TRPM1: variants seen among roughly 807,000 people sequenced by gnomAD.
The protein encoded by TRPM1 is transient receptor potential cation channel subfamily M member 1.
TRPM1 carries 113 observed loss-of-function variants against 149.4 expected under a neutral mutation model. The observed-to-expected ratio is 0.76, with a 90% confidence interval of 0.65 to 0.88. The LOEUF (loss-of-function observed/expected upper bound fraction) is 0.88, where lower values mean the gene tolerates loss of function less well. TRPM1 is among the 40% of genes least tolerant of loss of function. The pLI, the probability that TRPM1 is intolerant of heterozygous loss-of-function variation, is 0.00. For missense variants in TRPM1, 1,976 were observed against 2,038.7 expected, an observed-to-expected ratio of 0.97 and a Z score of 0.59; for synonymous variants, 741 against 759.5, an observed-to-expected ratio of 0.98 and a Z score of 0.40.
intron 11 of TRPM1, among the ~76,000 whole-genome samples, chr15:31,052,819 A>G (rs1242109644): frequency 6.6e-6 from 1 of 152,208 alleles, no homozygotes; most frequent in Non-Finnish European, 1.5e-5. Flanking sequence ...AGAAGAAAAC[A>G]TAGGGCAAAA....
At position 31,109,578 on chromosome 15, in the gene TRPM1, T is replaced by C. The variant is rs371412840; in HGVS notation, c.55-32594A>G. Among the ~76,000 whole-genome samples the C allele has an allele frequency of 3.3e-5, 5 of 150,306 alleles. No homozygotes were observed. The East Asian group carries it at 7.9e-4, about 24-fold the overall frequency. ...AGCTGGGCGTGGTGGTGGGTGCCTG[T>C]AATCCCAGCTATTATGGAGGCTGAG... On this transcript the variant is annotated intron_variant, in intron 1 of 26. Transcript: ENST00000542188.
At chr15:31,103,813 C>CA (rs10706621), upstream of TRPM1, among the ~76,000 whole-genome samples, 121 of 115,558 alleles carry the variant, frequency 1.0e-3, no homozygotes, top group South Asian at 2.8e-3. Flanking sequence ...ACTCTGTATC[C>CA]AAAAAAAAAA....
chr15:31,020,673 CAT>C (rs1481001612), intron 27 of TRPM1, among the ~76,000 whole-genome samples: 2 of 152,206 alleles, frequency 1.3e-5, no homozygotes, highest in Non-Finnish European at 2.9e-5. Context: ...ACACTTTGCC[CAT>C]GCCTAGTTTT....
At chr15:31,098,102 G>C (rs1006708296) in intron 1 of TRPM1, among the ~76,000 whole-genome samples, 15 of 152,166 alleles carry the variant, frequency 9.9e-5, no homozygotes, top group Admixed American at 3.9e-4. Flanking sequence ...TTATGTCTGT[G>C]GCGCGTGTGC....
chr15:31,160,933 G>A lies in TRPM1; in HGVS notation c.27C>T (p.Leu9=), dbSNP rs367857294. Reference sequence around the variant, plus strand: ...TCTGCGACCCTGATGTGGAGCTCTTGAGCGAGCCCCGCTTGAAGGAGCTCA... The same window carrying A: ...TCTGCGACCCTGATGTGGAGCTCTTAAGCGAGCCCCGCTTGAAGGAGCTCA... Residue 9 remains leucine, a synonymous_variant, in exon 1 of 27, where the codon CTC becomes CTT. Transcript: ENST00000542188. 3,484 of 1,535,514 alleles carry A rather than the reference G, an allele frequency of 2.3e-3. 4 individuals are homozygous for A. Among genetic ancestry groups the A allele is most frequent in the Non-Finnish European group, 2.8e-3 (3,216 of 1,146,738 alleles).
rs780826767 is a variant in TRPM1, at chr15:31,026,982, A to G, written c.3429T>C (p.Ile1143=). The G allele has an allele frequency of 6.2e-6, 10 of 1,614,070 alleles. 1 individual carries two copies. The Admixed American group carries it at 1.5e-4, about 24-fold the overall frequency. ...TCCTGCAGCGGCCGCTGAGACGCATAATGATGATGTAGATGTGGCTTAAAA... is the reference window on the plus strand; with the variant it reads ...TCCTGCAGCGGCCGCTGAGACGCATGATGATGATGTAGATGTGGCTTAAAA... ...MIILSHIYII[I]MRLSGRCRKK... The change falls in exon 26 of 28, where the codon ATT becomes ATC. Residue 1143 remains isoleucine, a synonymous_variant. Transcript: ENST00000256552.
intron 27 of TRPM1, among the ~76,000 whole-genome samples, chr15:31,020,809 C>G (rs1461251598): frequency 2.0e-5 from 3 of 152,186 alleles, no homozygotes; most frequent in Non-Finnish European, 4.4e-5. Flanking sequence ...ATGCTTGTCT[C>G]TCTGTCTTGG....
chr15:31,007,486 G>C (rs898064643), intron 27 of TRPM1, among the ~76,000 whole-genome samples: 5 of 151,972 alleles, frequency 3.3e-5, no homozygotes, highest in Admixed American at 1.3e-4. Flanking sequence ...TAGTTCCTTG[G>C]CCTTTCCATT....
At chr15:31,129,651 A>T (rs1477224858) in intron 1 of TRPM1, among the ~76,000 whole-genome samples, 1 of 152,222 alleles carries the variant, frequency 6.6e-6, no homozygotes, top group Non-Finnish European at 1.5e-5. Context: ...GAAAGGAGTA[A>T]AGGCTGTGTG....
chr15:31,112,960 G>A (rs1185168372), intron 1 of TRPM1, among the ~76,000 whole-genome samples: 2 of 152,126 alleles, frequency 1.3e-5, no homozygotes, highest in Non-Finnish European at 1.5e-5. Flanking sequence ...CACAACAGAG[G>A]ACTTGGGAAA....
At chr15:31,144,688 G>A (rs1243070809) in intron 1 of TRPM1, among the ~76,000 whole-genome samples, 2 of 150,262 alleles carry the variant, frequency 1.3e-5, no homozygotes, top group African/African-American at 4.9e-5. Flanking sequence ...TTATAAAACT[G>A]TGGCCCTTTT....
At chr15:31,155,257 G>C (rs1317147440) in intron 1 of TRPM1, among the ~76,000 whole-genome samples, 5 of 152,198 alleles carry the variant, frequency 3.3e-5, no homozygotes, top group Non-Finnish European at 5.9e-5. Context: ...AGAGGTGAGA[G>C]CTGCTGTCCC....
intron 16 of TRPM1, 111 bp from the exon 17 acceptor site, chr15:31,042,354 CT>C: frequency 1.6e-5 from 18 of 1,107,870 alleles, no homozygotes; most frequent in South Asian, 8.4e-5. Context: ...AAAGAGACTT[CT>C]GAAGTACATC....
At chr15:31,119,956 T>C (rs1372716187) in intron 1 of TRPM1, among the ~76,000 whole-genome samples, 1 of 152,072 alleles carries the variant, frequency 6.6e-6, no homozygotes, top group African/African-American at 2.4e-5. Flanking sequence ...ACAAATGTAA[T>C]ACATAGAAAA....
chr15:31,035,920 T>C (rs551750297), intron 20 of TRPM1: 35 of 569,334 alleles, frequency 6.1e-5, no homozygotes, highest in African/African-American at 5.2e-4. Flanking sequence ...TGGAGACATA[T>C]TGGTTGGTGC....
Position 31,045,265 on chromosome 15 carries a change from G to C in TRPM1, c.1794+939C>G, listed in dbSNP as rs192581910. Among the ~76,000 whole-genome samples, 62 of 152,312 alleles carry C rather than the reference G, an allele frequency of 4.1e-4. 1 individual carries two copies. Among genetic ancestry groups the C allele is most frequent in the Admixed American group, 3.7e-3 (56 of 15,294 alleles). The stretch of plus-strand genomic sequence containing the variant: ...ATTTATTTAAAAAGAATGTTTCCAA[G>C]AGTCAATCCTAATATTCCACAATAT... On this transcript the variant is annotated intron_variant, in intron 16 of 27. Transcript: ENST00000256552.
chr15:31,067,352 A>G (rs889809887), intron 5 of TRPM1, among the ~76,000 whole-genome samples, 165 bp from the exon 6 acceptor site: 1 of 152,236 alleles, frequency 6.6e-6, no homozygotes, highest in Non-Finnish European at 1.5e-5. Context: ...GTCTGAGCTC[A>G]TGATAACGAG....
At position 31,038,131 on chromosome 15, in the gene TRPM1, C is replaced by G; in HGVS notation, c.2352G>C (p.Leu784Phe). Residue 784 changes from leucine to phenylalanine, a missense_variant, in exon 19 of 28, where the codon TTG becomes TTC. Transcript: ENST00000256552. Reference protein sequence around the residue: ...IMGILLPPTILFLEFRTYDDF... With the variant: ...IMGILLPPTIFFLEFRTYDDF... ...CATCATATGTGCGAAATTCCAAAAA[C>G]AAGATGGTGGGGGGTAGAAGAATCC... is the stretch of plus-strand genomic sequence containing the variant. 6.2e-7 allele frequency: 1 copy of G among 1,614,064 alleles called. No homozygotes were observed. Among genetic ancestry groups the G allele is most frequent in the East Asian group, 2.2e-5 (1 of 44,870 alleles).
intron 27 of TRPM1, among the ~76,000 whole-genome samples, chr15:31,007,053 T>G (rs1459496851): frequency 6.6e-6 from 1 of 152,180 alleles, no homozygotes; most frequent in Admixed American, 6.5e-5. Context: ...TGATTATGCT[T>G]TTGGTGTTGC....
Sources: allele counts gnomAD v4.1 joint callset (sites outside exome capture counted in the v4.1 genomes callset), GRCh38; gene constraint gnomAD v4.1.1; transcripts MANE v1.5; gene names NCBI Gene and HGNC (gene_info 2026-07-23, HGNC 2026-07-21).